The following PTPRT variants were observed in gnomAD, a reference collection of about 807,000 sequenced individuals.
PTPRT encodes protein tyrosine phosphatase receptor type T, also known as receptor-type tyrosine-protein phosphatase T.
A neutral mutation model predicts 176.8 loss-of-function variants in PTPRT; 56 were observed. The observed-to-expected ratio is 0.32, with a 90% confidence interval of 0.26 to 0.40. The LOEUF is 0.40. Ranked by LOEUF, PTPRT falls within the 10% of genes least tolerant of loss-of-function variation. PTPRT has a pLI of 1.00. For synonymous variants in PTPRT, 783 were observed against 739.0 expected (o/e 1.06, Z -0.96); for missense variants, 1,540 against 1,908.2 (o/e 0.81, Z 3.60).
rs117464898 is a variant in PTPRT, at chr20:42,805,988, C to G, written c.215-14522G>C. ...GATAGGTATATCTCACACCCTAATT[C>G]CTAATATAGGGAAGATTTTTTTTTT... is the stretch of plus-strand genomic sequence containing the variant. On this transcript the variant is annotated intron_variant, in intron 2 of 30. Transcript: ENST00000373187. Among the ~76,000 whole-genome samples, 672 of 150,644 alleles carry G rather than the reference C, an allele frequency of 4.5e-3. 3 individuals are homozygous for G. Among genetic ancestry groups the G allele is most frequent in the Non-Finnish European group, 5.7e-3 (387 of 67,886 alleles).
chr20:42,952,608 T>C (rs1046195020), intron 1 of PTPRT, among the ~76,000 whole-genome samples: 20 of 152,340 alleles, frequency 1.3e-4, no homozygotes, highest in Admixed American at 5.9e-4. Context: ...TGTGCAAATA[T>C]GTAATGCAGC....
chr20:42,591,029 T>C (rs887128722), intron 7 of PTPRT, among the ~76,000 whole-genome samples: 2 of 151,752 alleles, frequency 1.3e-5, no homozygotes, highest in Admixed American at 6.6e-5. Context: ...CTGCATGCTA[T>C]ATACACCAAG....
chr20:42,326,279 C>A (rs918879764), intron 11 of PTPRT, among the ~76,000 whole-genome samples: 15 of 152,208 alleles, frequency 9.9e-5, no homozygotes, highest in African/African-American at 3.1e-4. Context: ...GCTGCTCTGT[C>A]TGCCATGCTG....
intron 17 of PTPRT, among the ~76,000 whole-genome samples, chr20:42,151,642 T>C (rs1345577479): frequency 6.6e-6 from 1 of 152,264 alleles, no homozygotes; most frequent in Non-Finnish European, 1.5e-5. Context: ...GAATTATTTA[T>C]AATGCTTTGG....
intron 7 of PTPRT, among the ~76,000 whole-genome samples, chr20:42,625,354 A>C (rs1427740692): frequency 1.3e-5 from 2 of 152,214 alleles, no homozygotes; most frequent in Non-Finnish European, 2.9e-5. Flanking sequence ...AGAACGAATA[A>C]AGGAATGAAT....
intron 1 of PTPRT, among the ~76,000 whole-genome samples, chr20:42,930,755 C>A (rs1364327906): frequency 6.6e-6 from 1 of 152,112 alleles, no homozygotes; most frequent in African/African-American, 2.4e-5. Context: ...GCTGGAATTA[C>A]AGGCATGAGT....
the PTPRT span, among the ~76,000 whole-genome samples, chr20:42,060,982 A>T: frequency 1.3e-5 from 2 of 152,244 alleles, no homozygotes; most frequent in East Asian, 3.8e-4. Context: ...AAAGTTCCTT[A>T]GCTTCTTCAT....
At chr20:42,211,077 T>A (rs2055613453) in intron 15 of PTPRT, among the ~76,000 whole-genome samples, 1 of 152,052 alleles carries the variant, frequency 6.6e-6, no homozygotes, top group African/African-American at 2.4e-5. Context: ...TGGTGCTGGG[T>A]AAACTGGCTA....
At chr20:42,477,340 T>C (rs963619329) in intron 7 of PTPRT, among the ~76,000 whole-genome samples, 1 of 152,148 alleles carries the variant, frequency 6.6e-6, no homozygotes, top group African/African-American at 2.4e-5. Flanking sequence ...CAGTCCTTGT[T>C]CTGTCCCCTT....
intron 1 of PTPRT, among the ~76,000 whole-genome samples, chr20:42,937,406 ATC>A (rs1980258969): frequency 6.6e-6 from 1 of 152,138 alleles, no homozygotes; most frequent in South Asian, 2.1e-4. Context: ...ATGTCTGGGA[ATC>A]TGTTTACTAC....
intron 1 of PTPRT, among the ~76,000 whole-genome samples, chr20:43,138,434 C>A (rs1199078981): frequency 1.3e-5 from 2 of 152,200 alleles, no homozygotes; most frequent in Non-Finnish European, 2.9e-5. Flanking sequence ...CGACCCTGGG[C>A]AGGCCACCCT....
chr20:42,809,324 T>A (rs1338346806), intron 2 of PTPRT, among the ~76,000 whole-genome samples: 1 of 152,104 alleles, frequency 6.6e-6, no homozygotes, highest in African/African-American at 2.4e-5. Context: ...CAGGTGTGAC[T>A]CCAGGTGCCA....
intron 12 of PTPRT, among the ~76,000 whole-genome samples, chr20:42,311,345 A>G (rs1267518965): frequency 6.6e-6 from 1 of 152,180 alleles, no homozygotes; most frequent in Non-Finnish European, 1.5e-5. Flanking sequence ...AGGCAGTCTG[A>G]TAGTAAAGGT....
intron 6 of PTPRT, among the ~76,000 whole-genome samples, chr20:42,748,558 G>A (rs536008992): frequency 9.9e-5 from 15 of 152,238 alleles, no homozygotes; most frequent in Admixed American, 6.5e-4. Context: ...ACCTTAGAAG[G>A]CCACAGAGGC....
chr20:42,831,252 A>C (rs1163136123), intron 2 of PTPRT, among the ~76,000 whole-genome samples: 1 of 152,192 alleles, frequency 6.6e-6, no homozygotes, highest in Non-Finnish European at 1.5e-5. Context: ...GATTTTGACA[A>C]GGCTGATAAA....
chr20:42,894,088 T>C (rs900943288), intron 1 of PTPRT, among the ~76,000 whole-genome samples: 3 of 149,508 alleles, frequency 2.0e-5, no homozygotes, highest in African/African-American at 7.4e-5. Context: ...CCAAAACAGA[T>C]GGAGATTCTG....
chr20:42,154,457 G>A (rs1989264617), intron 17 of PTPRT, among the ~76,000 whole-genome samples: 1 of 152,202 alleles, frequency 6.6e-6, no homozygotes, highest in Non-Finnish European at 1.5e-5. Context: ...CCCCACAAAA[G>A]CCATACATAT....
intron 1 of PTPRT, among the ~76,000 whole-genome samples, chr20:43,006,134 C>T (rs752488341): frequency 2.1e-4 from 32 of 152,192 alleles, no homozygotes; most frequent in South Asian, 6.2e-4. Context: ...ATATTTCCTA[C>T]GTTTTCCACC....
intron 7 of PTPRT, among the ~76,000 whole-genome samples, chr20:42,634,164 G>A (rs1288642704): frequency 8.9e-6 from 1 of 112,834 alleles, no homozygotes; most frequent in African/African-American, 3.4e-5. Context: ...ATGGTTTGAT[G>A]GGTTACTTGA....
Sources: gnomAD v4.1 joint callset for allele counts (sites outside exome capture counted in the v4.1 genomes callset) on GRCh38, gnomAD v4.1.1 for gene constraint, MANE v1.5 for transcripts, NCBI Gene and HGNC (gene_info 2026-07-23, HGNC 2026-07-21) for gene names.